The following ZNG1B variants were observed in gnomAD, a reference collection of about 807,000 sequenced individuals.
The protein encoded by ZNG1B is Zn regulated GTPase metalloprotein activator 1B.
At chr2:113,443,316 C>T in the ZNG1B span, among the ~76,000 whole-genome samples, 1 of 151,634 alleles carries the variant, frequency 6.6e-6, no homozygotes, top group African/African-American at 2.4e-5. Flanking sequence ...TGGGAATATT[C>T]AGCAGTTTGT....
At chr2:113,439,016 A>T in the ZNG1B span, 9 of 1,295,868 alleles carry the variant, frequency 6.9e-6, no homozygotes, top group Admixed American at 6.9e-5. Flanking sequence ...GCGTTTCCCC[A>T]CAGTTATTCA....
the ZNG1B span, among the ~76,000 whole-genome samples, chr2:113,438,229 A>G: frequency 6.6e-6 from 1 of 151,934 alleles, no homozygotes; most frequent in Non-Finnish European, 1.5e-5. Context: ...TTAGATTCCC[A>G]TTTCTCAAGT....
the ZNG1B span, among the ~76,000 whole-genome samples, chr2:113,454,382 T>C: frequency 6.6e-6 from 1 of 151,942 alleles, no homozygotes; most frequent in African/African-American, 2.4e-5. Flanking sequence ...AGAAATAACC[T>C]GTCTTATGTA....
chr2:113,468,271 A>T, the ZNG1B span, among the ~76,000 whole-genome samples: 3 of 150,838 alleles, frequency 2.0e-5, no homozygotes, highest in African/African-American at 7.4e-5. Context: ...TAGATACTGG[A>T]TACTTGGATT....
At chr2:113,479,633 C>A in the ZNG1B span, among the ~76,000 whole-genome samples, 1 of 152,152 alleles carries the variant, frequency 6.6e-6, no homozygotes, top group Non-Finnish European at 1.5e-5. Flanking sequence ...GGTTCCAGCC[C>A]TTCATTTGAC....
chr2:113,456,022 C>T, the ZNG1B span, among the ~76,000 whole-genome samples: 4 of 151,784 alleles, frequency 2.6e-5, no homozygotes, highest in South Asian at 6.2e-4. Context: ...CCGGCCTGAA[C>T]TTGTTAATGT....
chr2:113,460,322 G>C, the ZNG1B span, among the ~76,000 whole-genome samples: 4 of 152,156 alleles, frequency 2.6e-5, no homozygotes, highest in Non-Finnish European at 1.5e-5. Context: ...GAACAGTTTT[G>C]TAAGAAGGAA....
the ZNG1B span, among the ~76,000 whole-genome samples, chr2:113,487,105 A>G: frequency 2.8e-3 from 429 of 152,308 alleles, 3 homozygotes; most frequent in African/African-American, 9.8e-3. Context: ...ACAGCGTTTT[A>G]GTCAGACTGC....
chr2:113,449,350 C>T, the ZNG1B span, among the ~76,000 whole-genome samples: 2 of 141,660 alleles, frequency 1.4e-5, no homozygotes, highest in Admixed American at 7.2e-5. Context: ...TAGCTTTTGG[C>T]GTATCTTGGC....
the ZNG1B span, among the ~76,000 whole-genome samples, chr2:113,490,654 A>C: frequency 6.6e-6 from 1 of 152,196 alleles, no homozygotes; most frequent in Non-Finnish European, 1.5e-5. Context: ...GAGATATTAC[A>C]ACTGACACCA....
chr2:113,453,266 C>T, the ZNG1B span: 51 of 1,578,816 alleles, frequency 3.2e-5, no homozygotes, highest in Admixed American at 1.7e-4. Flanking sequence ...TTTTCTGAGA[C>T]GGAGTCTCAC....
At chr2:113,438,347 C>T in the ZNG1B span, among the ~76,000 whole-genome samples, 1 of 152,092 alleles carries the variant, frequency 6.6e-6, no homozygotes, top group Non-Finnish European at 1.5e-5. Flanking sequence ...CGCTCATCTA[C>T]CTCACCTGAA....
At chr2:113,464,714 T>C in the ZNG1B span, among the ~76,000 whole-genome samples, 4 of 150,606 alleles carry the variant, frequency 2.7e-5, no homozygotes, top group Non-Finnish European at 5.9e-5. Flanking sequence ...ATTTTTAGTG[T>C]GTATATAGCC....
chr2:113,445,978 C>T, the ZNG1B span, among the ~76,000 whole-genome samples: 1 of 151,908 alleles, frequency 6.6e-6, no homozygotes, highest in Non-Finnish European at 1.5e-5. Flanking sequence ...ATAACATCAT[C>T]CCCATGTTTT....
chr2:113,451,077 C>T, the ZNG1B span, among the ~76,000 whole-genome samples: 2 of 152,348 alleles, frequency 1.3e-5, no homozygotes, highest in African/African-American at 4.8e-5. Context: ...CTGACCTTCT[C>T]CTTCCCAAAG....
the ZNG1B span, among the ~76,000 whole-genome samples, chr2:113,489,647 C>T: frequency 6.6e-6 from 1 of 152,230 alleles, no homozygotes; most frequent in East Asian, 1.9e-4. Context: ...CTCACATAAA[C>T]TTAAGGTAAA....
chr2:113,473,970 C>A, the ZNG1B span, among the ~76,000 whole-genome samples: 12 of 149,230 alleles, frequency 8.0e-5, no homozygotes, highest in South Asian at 2.1e-4. Context: ...TGTCTCTGCC[C>A]GGCTTTGGTA....
At chr2:113,494,659 T>G in the ZNG1B span, 1 of 852,248 alleles carries the variant, frequency 1.2e-6, no homozygotes, top group South Asian at 5.0e-5. Flanking sequence ...ATAATAGTTT[T>G]TCTTTATTTC....
the ZNG1B span, among the ~76,000 whole-genome samples, chr2:113,440,738 A>T: frequency 6.8e-6 from 1 of 147,508 alleles, no homozygotes; most frequent in Non-Finnish European, 1.5e-5. Context: ...AAAAAAAGAT[A>T]AAGAAATGAT....
Sources: allele counts gnomAD v4.1 joint callset (sites outside exome capture counted in the v4.1 genomes callset), GRCh38; gene constraint gnomAD v4.1.1; transcripts MANE v1.5; gene names NCBI Gene and HGNC (gene_info 2026-07-23, HGNC 2026-07-21).